The following DMTN variants were observed in gnomAD, a reference collection of about 807,000 sequenced individuals.
DMTN encodes the protein dematin.
Under a neutral mutation model 59.4 loss-of-function variants are expected in DMTN, and 27 were observed. The ratio of observed to expected loss-of-function variants is 0.45; its 90% confidence interval spans 0.33 to 0.63. The LOEUF (loss-of-function observed/expected upper bound fraction) is 0.63, where lower values mean the gene tolerates loss of function less well. DMTN is among the 20% of genes least tolerant of loss of function. DMTN has a pLI of 0.02. For missense variants in DMTN, 451 were observed against 528.9 expected, an observed-to-expected ratio of 0.85 and a Z score of 1.45; for synonymous variants, 221 against 203.7, an observed-to-expected ratio of 1.08 and a Z score of -0.72.
At chr8:22,064,709 T>C (rs1038197418) in intron 1 of DMTN, among the ~76,000 whole-genome samples, 6 of 152,178 alleles carry the variant, frequency 3.9e-5, no homozygotes, top group African/African-American at 7.2e-5. Flanking sequence ...CTGCCCGCCT[T>C]GGCCTCCCAA....
intron 1 of DMTN, among the ~76,000 whole-genome samples, chr8:22,065,597 C>A (rs1484418145): frequency 6.6e-6 from 1 of 151,988 alleles, no homozygotes; most frequent in Non-Finnish European, 1.5e-5. Flanking sequence ...AATCCCAGCA[C>A]TTTGGGAGGC....
chr8:22,049,771 C>T (rs1801155560), upstream of DMTN, among the ~76,000 whole-genome samples: 2 of 152,034 alleles, frequency 1.3e-5, no homozygotes, highest in African/African-American at 4.8e-5. Flanking sequence ...GCCTGTTTCT[C>T]CTCCTCTCCC....
intron 9 of DMTN, 140 bp from the exon 10 acceptor site, chr8:22,073,590 C>T (rs1817353897): frequency 1.6e-6 from 1 of 630,390 alleles, no homozygotes; most frequent in Middle Eastern, 4.3e-4. Flanking sequence ...ATGTTTGTGC[C>T]ACTGAACTCC....
chr8:22,077,175 C>T (rs112486372), intron 10 of DMTN, among the ~76,000 whole-genome samples: 1,539 of 151,678 alleles, frequency 0.01, 9 homozygotes, highest in Non-Finnish European at 0.013. Context: ...GCCACAGAGC[C>T]GAAACTGAGA....
upstream of DMTN, among the ~76,000 whole-genome samples, chr8:22,053,014 A>C (rs1801509854): frequency 6.6e-6 from 1 of 151,982 alleles, no homozygotes; most frequent in South Asian, 2.1e-4. Context: ...GCTTTGTGGA[A>C]GGTCTGGGGT....
Position 22,072,413 on chromosome 8 carries a change from A to G in DMTN, c.692A>G (p.Lys231Arg), listed in dbSNP as rs113027572. 0.015 allele frequency: 23,392 copies of G among 1,589,866 alleles called. 266 individuals are homozygous for G. Among genetic ancestry groups the G allele is most frequent in the African/African-American group, 0.05 (3,723 of 74,344 alleles). ...EEDDDSGEEM[K>R]ALRERQREEL... ...GATGACGACTCTGGAGAGGAGATGA[A>G]GGCTCTCAGGGAGCGTCAGAGAGAG... Residue 231 changes from lysine to arginine, a missense_variant, in exon 9 of 16, where the codon AAG (lysine) becomes AGG (arginine). Transcript: ENST00000358242.
intron 1 of DMTN, among the ~76,000 whole-genome samples, chr8:22,063,836 G>A (rs1289464927): frequency 6.6e-6 from 1 of 152,110 alleles, no homozygotes; most frequent in Non-Finnish European, 1.5e-5. Flanking sequence ...TATGGTACAG[G>A]TAATTTTCTG....
At chr8:22,062,245 A>G (rs1807100330) in intron 1 of DMTN, among the ~76,000 whole-genome samples, 1 of 109,168 alleles carries the variant, frequency 9.2e-6, no homozygotes, top group Admixed American at 1.1e-4. Flanking sequence ...GTACTTCACG[A>G]CACCCAGCTA....
At chr8:22,077,299 A>G (rs1224242219) in intron 10 of DMTN, among the ~76,000 whole-genome samples, 2 of 152,148 alleles carry the variant, frequency 1.3e-5, no homozygotes, top group Non-Finnish European at 2.9e-5. Context: ...AAAGCCACAA[A>G]GTGAATGGTC....
Position 22,081,671 on chromosome 8 carries a change from TG to T in DMTN, c.*210del. The stretch of plus-strand genomic sequence containing the variant: ...GCTGGGGGCCTCCTGCTCTCGTCCC[TG>T]GCCCTCCCTGCACAGGGCAAAGCCA... On this transcript the variant is annotated 3_prime_UTR_variant, in exon 16 of 16. Coordinates refer to ENST00000358242, the MANE Select transcript of DMTN (RefSeq NM_001387751.1). 1.7e-6 allele frequency: 1 copy of T among 598,322 alleles called. No individual in the cohort carries two copies. The allele number at this position is 598,322 out of a possible 1,614,324, so 37.1% of individuals were successfully genotyped here.
intron 1 of DMTN, among the ~76,000 whole-genome samples, chr8:22,065,558 T>C (rs1228954550): frequency 1.3e-5 from 2 of 151,948 alleles, no homozygotes; most frequent in Non-Finnish European, 2.9e-5. Flanking sequence ...AGCAGGAAGG[T>C]AGGGCTGGGC....
Position 22,060,031 on chromosome 8 carries a change from G to C in DMTN, c.-172+2895G>C, listed in dbSNP as rs1445409851. 6.6e-6 allele frequency among the ~76,000 whole-genome samples: 1 copy of C among 152,094 alleles called. No homozygotes were observed. The highest frequency in any genetic ancestry group is 1.5e-5 in the Non-Finnish European group (1 of 68,010). ...TCAGATAAGGCAGGGACACACAGCTGGGGGAGGGTGGGGCTGAGATGGAGG... is the reference window on the plus strand; with the variant it reads ...TCAGATAAGGCAGGGACACACAGCTCGGGGAGGGTGGGGCTGAGATGGAGG... On this transcript the variant is annotated intron_variant, in intron 1 of 15. Coordinates refer to ENST00000358242, the MANE Select transcript of DMTN (RefSeq NM_001387751.1). The surrounding 1 kb of genome is among the most constrained non-coding windows in gnomAD (Gnocchi z 5.0).
At chr8:22,052,457 G>A (rs533782957), upstream of DMTN, among the ~76,000 whole-genome samples, 97 of 152,270 alleles carry the variant, frequency 6.4e-4, 1 homozygote, top group Admixed American at 5.3e-3. Flanking sequence ...TTAGGCAGAC[G>A]TGGGTGGGGC....
intron 7 of DMTN, 72 bp from the exon 8 acceptor site, chr8:22,070,110 G>A: frequency 1.3e-6 from 2 of 1,555,298 alleles, no homozygotes; most frequent in Non-Finnish European, 1.7e-6. Flanking sequence ...CAGGTGTGAG[G>A]GGGGAGGGGT....
Position 22,081,379 on chromosome 8 carries a change from G to A in DMTN, c.1134G>A (p.Arg378=). The part of the protein sequence containing the change: ...ERHLSAEDFS[R]VFAMSPEEFG... ...ATCTGTCTGCCGAGGACTTCTCAAG[G>A]GTATTTGCCATGTCCCCTGAAGAGT... Residue 378 remains arginine (R), a synonymous_variant, in exon 16 of 16, where the codon AGG becomes AGA. Transcript: ENST00000358242. The A allele has an allele frequency of 6.2e-7, 1 of 1,614,094 alleles. No homozygotes were observed.
At chr8:22,075,376 T>C (rs112831887) in intron 10 of DMTN, among the ~76,000 whole-genome samples, 1,866 of 150,784 alleles carry the variant, frequency 0.012, 45 homozygotes, top group African/African-American at 0.044. Flanking sequence ...TCTGGCAGGG[T>C]CTTGCTCTGT....
chr8:22,059,756 T>C (rs1804961554), intron 1 of DMTN, among the ~76,000 whole-genome samples: 1 of 152,178 alleles, frequency 6.6e-6, no homozygotes, highest in Non-Finnish European at 1.5e-5. Flanking sequence ...AAGCAGGTAG[T>C]GGTTGGCTGG....
chr8:22,065,425 G>T (rs973727781), intron 1 of DMTN, among the ~76,000 whole-genome samples: 3 of 152,184 alleles, frequency 2.0e-5, no homozygotes, highest in Non-Finnish European at 4.4e-5. Flanking sequence ...TTCAGAGAAG[G>T]GTTGATCCAT....
intron 10 of DMTN, among the ~76,000 whole-genome samples, chr8:22,078,528 T>C (rs1253859645): frequency 6.6e-6 from 1 of 151,228 alleles, no homozygotes; most frequent in Non-Finnish European, 1.5e-5. Context: ...TTGGTATAAA[T>C]GCCAGCCATT....
Sources: allele counts gnomAD v4.1 joint callset (sites outside exome capture counted in the v4.1 genomes callset), GRCh38; gene constraint gnomAD v4.1.1; non-coding constraint Gnocchi (gnomAD v3.1); transcripts MANE v1.5; gene names NCBI Gene and HGNC (gene_info 2026-07-23, HGNC 2026-07-21).